PEBP4: variants seen among roughly 807,000 people sequenced by gnomAD.
The protein encoded by PEBP4 is phosphatidylethanolamine-binding protein 4.
Under a neutral mutation model 23.9 loss-of-function variants are expected in PEBP4, and 22 were observed. That is an observed-to-expected ratio of 0.92 (90% CI 0.66 to 1.31). The LOEUF (loss-of-function observed/expected upper bound fraction) is 1.31, where lower values mean the gene tolerates loss of function less well. PEBP4 is among the 40% of genes most tolerant of loss of function. The pLI, the probability that PEBP4 is intolerant of heterozygous loss-of-function variation, is 0.00. For missense variants in PEBP4, 324 were observed against 281.7 expected, an observed-to-expected ratio of 1.15 and a Z score of -1.07; for synonymous variants, 112 against 99.3, an observed-to-expected ratio of 1.13 and a Z score of -0.76.
chr8:22,851,649 C>A (rs557166361), intron 3 of PEBP4, among the ~76,000 whole-genome samples: 2 of 152,212 alleles, frequency 1.3e-5, no homozygotes, highest in Non-Finnish European at 2.9e-5. Context: ...AAGCTGACAA[C>A]GAGCAGAAAA....
intron 4 of PEBP4, among the ~76,000 whole-genome samples, chr8:22,783,595 C>T (rs1374264392): frequency 6.6e-6 from 1 of 152,110 alleles, no homozygotes; most frequent in African/African-American, 2.4e-5. Flanking sequence ...TTGTTTTCAG[C>T]GAGATCTCAC....
intron 4 of PEBP4, 148 bp downstream of exon 4, chr8:22,817,489 G>A: frequency 1.4e-6 from 1 of 713,716 alleles, no homozygotes. Context: ...GGAAAACTTG[G>A]GAGGGCTTTG....
intron 4 of PEBP4, among the ~76,000 whole-genome samples, chr8:22,807,571 AT>A (rs1408869405): frequency 6.6e-6 from 1 of 152,218 alleles, no homozygotes. Flanking sequence ...AAGGGCCTCA[AT>A]TAACTCACCC....
chr8:22,790,164 C>G (rs1296991389), intron 4 of PEBP4, among the ~76,000 whole-genome samples: 1 of 152,254 alleles, frequency 6.6e-6, no homozygotes, highest in Non-Finnish European at 1.5e-5. Context: ...CTTTTGTCAT[C>G]CTTCAACCAT....
At chr8:22,880,917 C>T (rs1218492815) in intron 3 of PEBP4, among the ~76,000 whole-genome samples, 1 of 152,232 alleles carries the variant, frequency 6.6e-6, no homozygotes, top group Non-Finnish European at 1.5e-5. Flanking sequence ...AGGGCCAGGG[C>T]CTGGGCCCTG....
rs112097266 is a variant in PEBP4 at position 22,737,945 on chromosome 8, G to C, written c.358-10725C>G. On this transcript the variant is annotated intron_variant, in intron 4 of 6. Transcript: ENST00000256404. ...TGGAGGGAAAGGCTCGGTGGTTGCC[G>C]GGGAGTAGACGGCGTAGGGGCTGAG... 8.7e-3 allele frequency among the ~76,000 whole-genome samples: 1,318 copies of C among 152,208 alleles called. 19 individuals carry two copies. Among genetic ancestry groups the C allele is most frequent in the African/African-American group, 0.03 (1,264 of 41,552 alleles).
intron 4 of PEBP4, among the ~76,000 whole-genome samples, chr8:22,781,615 G>A (rs1199860283): frequency 6.6e-6 from 1 of 152,016 alleles, no homozygotes; most frequent in Admixed American, 6.6e-5. Context: ...CCCTCCCCCT[G>A]TACCCAGGCC....
intron 3 of PEBP4, chr8:22,896,001 G>C (rs1298378743): frequency 6.6e-6 from 1 of 152,230 alleles, no homozygotes; most frequent in Non-Finnish European, 1.5e-5. Flanking sequence ...CCTCTGCCCT[G>C]GGGCAGATTT....
At chr8:22,836,332 C>T (rs1307858216) in intron 3 of PEBP4, among the ~76,000 whole-genome samples, 2 of 152,198 alleles carry the variant, frequency 1.3e-5, no homozygotes, top group South Asian at 2.1e-4. Flanking sequence ...ACTCTCTTCC[C>T]CCTGCTCAGA....
intron 4 of PEBP4, among the ~76,000 whole-genome samples, chr8:22,812,044 T>A (rs988982161): frequency 6.6e-6 from 1 of 152,224 alleles, no homozygotes; most frequent in Non-Finnish European, 1.5e-5. Flanking sequence ...CCCATTTTAA[T>A]GATGAAGAAA....
intron 1 of PEBP4, among the ~76,000 whole-genome samples, chr8:22,940,035 C>T (rs977063496): frequency 3.9e-5 from 6 of 152,212 alleles, no homozygotes; most frequent in African/African-American, 1.2e-4. Flanking sequence ...AATCACCTGC[C>T]GTCATGTCAC....
chr8:22,860,262 A>G (rs1229236608), intron 3 of PEBP4, among the ~76,000 whole-genome samples: 1 of 148,310 alleles, frequency 6.7e-6, no homozygotes, highest in Non-Finnish European at 1.5e-5. Flanking sequence ...GCAATTTGCC[A>G]TCCTAACCAT....
intron 3 of PEBP4, chr8:22,885,664 A>T (rs917127557): frequency 7.9e-5 from 12 of 152,182 alleles, no homozygotes; most frequent in Non-Finnish European, 1.6e-4. Context: ...CAACATCTCC[A>T]CTTCCTGGCG....
At chr8:22,771,903 C>A (rs760869038) in intron 4 of PEBP4, among the ~76,000 whole-genome samples, 3 of 152,252 alleles carry the variant, frequency 2.0e-5, no homozygotes, top group African/African-American at 2.4e-5. Flanking sequence ...TTGCCCTGAG[C>A]TGCTACTCTC....
intron 3 of PEBP4, among the ~76,000 whole-genome samples, chr8:22,856,398 G>A (rs1807650473): frequency 1.3e-5 from 2 of 152,058 alleles, no homozygotes; most frequent in South Asian, 4.1e-4. Context: ...ACTTTCTTGG[G>A]GCAAATTTGG....
chr8:22,786,745 C>A (rs754074131), intron 4 of PEBP4, among the ~76,000 whole-genome samples: 1 of 152,082 alleles, frequency 6.6e-6, no homozygotes, highest in Non-Finnish European at 1.5e-5. Flanking sequence ...ACACTTCATA[C>A]AAAGCTCCAT....
At chr8:22,795,447 T>C (rs1237185178) in intron 4 of PEBP4, among the ~76,000 whole-genome samples, 1 of 152,098 alleles carries the variant, frequency 6.6e-6, no homozygotes. Flanking sequence ...AGTGCTGGGA[T>C]TACAGGCATG....
intron 4 of PEBP4, among the ~76,000 whole-genome samples, chr8:22,787,446 G>A (rs571487291): frequency 1.1e-4 from 17 of 152,264 alleles, no homozygotes; most frequent in African/African-American, 4.1e-4. Flanking sequence ...GGCAGAGGCG[G>A]GGGAGGGGGA....
intron 4 of PEBP4, among the ~76,000 whole-genome samples, chr8:22,777,645 C>G (rs1805839455): frequency 6.6e-6 from 1 of 152,196 alleles, no homozygotes; most frequent in Admixed American, 6.5e-5. Flanking sequence ...CACGGCACTC[C>G]TGTTGCCCCA....
Sources: gnomAD v4.1 joint callset for allele counts (sites outside exome capture counted in the v4.1 genomes callset) on GRCh38, gnomAD v4.1.1 for gene constraint, MANE v1.5 for transcripts, NCBI Gene and HGNC (gene_info 2026-07-23, HGNC 2026-07-21) for gene names.